The following CACNB2 variants were observed in gnomAD, a reference collection of about 807,000 sequenced individuals.
The protein encoded by CACNB2 is voltage-dependent L-type calcium channel subunit beta-2.
Under a neutral mutation model 73.3 loss-of-function variants are expected in CACNB2, and 42 were observed. The ratio of observed to expected loss-of-function variants is 0.57; its 90% CI spans 0.45 to 0.74. CACNB2 has a LOEUF of 0.74. Among genes scored for constraint, CACNB2 ranks in the 30% least tolerant of loss-of-function variants. The pLI, the probability that CACNB2 is intolerant of heterozygous loss-of-function variation, is 0.00. For synonymous variants in CACNB2, 348 were observed against 310.3 expected, an observed-to-expected ratio of 1.12 and a Z score of -1.28; for missense variants, 940 against 853.0, an observed-to-expected ratio of 1.10 and a Z score of -1.27.
At chr10:18,532,700 A>AAG (rs2053179194) in intron 10 of CACNB2, among the ~76,000 whole-genome samples, 1 of 58,518 alleles carries the variant, frequency 1.7e-5, no homozygotes, top group Admixed American at 1.4e-4. Context: ...AAAAAAACAA[A>AAG]ACAAAAAAAC....
At chr10:18,375,817 T>C (rs1358884033) in intron 2 of CACNB2, among the ~76,000 whole-genome samples, 1 of 152,182 alleles carries the variant, frequency 6.6e-6, no homozygotes, top group African/African-American at 2.4e-5. Context: ...GGAAATTGCC[T>C]CCAAATACCT....
Position 18,539,874 on chromosome 10 carries a change from A to G in CACNB2, c.*150A>G. The G allele has an allele frequency of 4.8e-6, 4 of 830,200 alleles. No individual in the cohort carries two copies. Among genetic ancestry groups the G allele is most frequent in the Non-Finnish European group, 5.5e-6 (3 of 541,000 alleles). The allele number at this position is 830,200 out of a possible 1,614,324, so 51.4% of individuals were successfully genotyped here. A position where few individuals can be genotyped will look rare whatever the true frequency, so the allele number is the denominator to read the frequency against. On this transcript the variant is annotated 3_prime_UTR_variant, in exon 14 of 14. Coordinates refer to ENST00000324631, the MANE Select transcript of CACNB2 (RefSeq NM_201596.3). ...TTATTGCTGTTGCTTGAATAGCAATAGCATGGATAGAGTATTGAGATACTT... is the reference window on the plus strand; with the variant it reads ...TTATTGCTGTTGCTTGAATAGCAATGGCATGGATAGAGTATTGAGATACTT...
chr10:18,395,426 G>A (rs534462255), intron 2 of CACNB2, among the ~76,000 whole-genome samples: 65 of 151,662 alleles, frequency 4.3e-4, no homozygotes, highest in South Asian at 1.5e-3. Flanking sequence ...TCTCATAGCC[G>A]TTATTTTTCT....
intron 2 of CACNB2, among the ~76,000 whole-genome samples, chr10:18,256,072 A>T (rs890764028): frequency 1.3e-5 from 2 of 152,184 alleles, no homozygotes; most frequent in Non-Finnish European, 2.9e-5. Flanking sequence ...AAAAACATAT[A>T]TCTTCCATCG....
chr10:18,442,956 ATG>A (rs1410162538), intron 3 of CACNB2, among the ~76,000 whole-genome samples: 242 of 19,274 alleles, frequency 0.013, 15 homozygotes, highest in East Asian at 0.027. Context: ...ATATATATAT[ATG>A]TATATATATA....
At chr10:18,487,182 G>T (rs146285336) in intron 3 of CACNB2, among the ~76,000 whole-genome samples, 3 of 152,312 alleles carry the variant, frequency 2.0e-5, no homozygotes, top group East Asian at 1.9e-4. Context: ...GCACCATGTT[G>T]TCTGTTCCTC....
intron 2 of CACNB2, among the ~76,000 whole-genome samples, chr10:18,357,327 AC>A (rs2041963401): frequency 6.6e-6 from 1 of 152,190 alleles, no homozygotes; most frequent in Non-Finnish European, 1.5e-5. Context: ...CAACCAACAC[AC>A]AAATTTTTAA....
At chr10:18,146,107 T>G (rs2131005183) in intron 1 of CACNB2, among the ~76,000 whole-genome samples, 1 of 152,278 alleles carries the variant, frequency 6.6e-6, no homozygotes, top group Non-Finnish European at 1.5e-5. Flanking sequence ...TCTAGGAATG[T>G]CATTTAGCTA....
chr10:18,255,018 C>G (rs754886856), intron 2 of CACNB2, among the ~76,000 whole-genome samples: 1 of 151,970 alleles, frequency 6.6e-6, no homozygotes, highest in African/African-American at 2.4e-5. Context: ...TCATCTTTTG[C>G]TTGGGTAAAA....
At chr10:18,224,186 C>G (rs547896398) in intron 2 of CACNB2, 1 of 152,108 alleles carries the variant, frequency 6.6e-6, no homozygotes, top group African/African-American at 2.4e-5. Context: ...TGTTTCTTGT[C>G]TTTTTTGGCT....
At chr10:18,383,811 T>G (rs1241739848) in intron 2 of CACNB2, among the ~76,000 whole-genome samples, 2 of 152,140 alleles carry the variant, frequency 1.3e-5, no homozygotes, top group Admixed American at 1.3e-4. Flanking sequence ...ATTCAAGCGA[T>G]TCTCCCGCCT....
chr10:18,324,349 G>A (rs1168477789), intron 2 of CACNB2, among the ~76,000 whole-genome samples: 2 of 152,168 alleles, frequency 1.3e-5, no homozygotes, highest in Non-Finnish European at 2.9e-5. Context: ...TTAAAATATG[G>A]ATTGGAGTTT....
At position 18,224,657 on chromosome 10, in the gene CACNB2, G is replaced by C. The variant is rs1162392919; in HGVS notation, c.213+73682G>C. ...CCCTAGTCTCCTGTGTCAGAGAGTA[G>C]GAGGTTATGCTTGGGAACAGAAGGC... is the stretch of plus-strand genomic sequence containing the variant. On this transcript the variant is annotated intron_variant, in intron 2 of 13. Transcript: ENST00000324631. Among the ~76,000 whole-genome samples the C allele has an allele frequency of 2.6e-5, 4 of 152,156 alleles. No individual in the cohort carries two copies. In the East Asian group the frequency reaches 5.8e-4, roughly 22 times the overall value.
At chr10:18,159,534 A>C (rs545078660) in intron 2 of CACNB2, among the ~76,000 whole-genome samples, 42 of 152,348 alleles carry the variant, frequency 2.8e-4, no homozygotes, top group African/African-American at 9.9e-4. Context: ...GGAATGAACC[A>C]AATATTTAAC....
intron 2 of CACNB2, among the ~76,000 whole-genome samples, chr10:18,240,821 C>G (rs1247083399): frequency 6.6e-6 from 1 of 152,144 alleles, no homozygotes; most frequent in Non-Finnish European, 1.5e-5. Flanking sequence ...CTACTCAAAG[C>G]CAACACCCCC....
In CACNB2 at chr10:18,220,222, TATATATATA is replaced by T. The variant is rs1588736104; in HGVS notation, c.213+69248_213+69256del. On this transcript the variant is annotated intron_variant, in intron 2 of 13. Transcript: ENST00000324631. ...GTGTGTATATATATATATATATATA[TATATATATA>T]TAGAGAGAGAGAGAGAGAGAGAGAG... Among the ~76,000 whole-genome samples, 5 of 48,256 alleles carry T rather than the reference TATATATATA, an allele frequency of 1.0e-4. 1 individual carries two copies. In the East Asian group the frequency reaches 3.3e-3, roughly 31 times the overall value. The allele number at this position is 48,256 out of a possible 152,430, so 31.7% of individuals were successfully genotyped here.
At chr10:18,504,121 G>C (rs1222144142) in intron 5 of CACNB2, among the ~76,000 whole-genome samples, 2 of 152,214 alleles carry the variant, frequency 1.3e-5, no homozygotes, top group Non-Finnish European at 2.9e-5. Context: ...GTAGTCTCCT[G>C]TGTCTCCCAA....
chr10:18,536,243 C>CCTTTCTT, intron 12 of CACNB2, 47 bp downstream of exon 12: 1 of 280,946 alleles, frequency 3.6e-6, no homozygotes, highest in Non-Finnish European at 5.8e-6. Context: ...GAGATCAGAC[C>CCTTTCTT]TTTTTTTTTT....
chr10:18,140,454 C>T lies in CACNB2; in HGVS notation c.-283C>T, dbSNP rs55822580. 0.096 allele frequency among the ~76,000 whole-genome samples: 14,657 copies of T among 151,970 alleles called. 920 individuals are homozygous for T. The highest frequency in any genetic ancestry group is 0.28 in the East Asian group (1,449 of 5,118). ...GCTGCGCCCGCTCTCCCGGCCCCGG[C>T]TGCCCCGCTGAGGGCTCCCCTCTCC... On this transcript the variant is annotated 5_prime_UTR_variant, in exon 1 of 14. Transcript: ENST00000324631.
Sources: allele counts gnomAD v4.1 joint callset (sites outside exome capture counted in the v4.1 genomes callset), GRCh38; gene constraint gnomAD v4.1.1; transcripts MANE v1.5; gene names NCBI Gene and HGNC (gene_info 2026-07-23, HGNC 2026-07-21).